CENPP: variants seen among roughly 807,000 people sequenced by gnomAD.
The protein encoded by CENPP is centromere protein P.
A neutral mutation model predicts 35.6 loss-of-function variants in CENPP; 24 were observed. That is an observed-to-expected ratio of 0.67 (90% CI 0.49 to 0.95). CENPP has a LOEUF of 0.95. Among genes scored for constraint, CENPP ranks in the 40% least tolerant of loss-of-function variants. CENPP has a pLI of 0.00. For synonymous variants in CENPP, 120 were observed against 125.5 expected, an observed-to-expected ratio of 0.96 and a Z score of 0.29; for missense variants, 332 against 345.3, an observed-to-expected ratio of 0.96 and a Z score of 0.31.
intron 3 of CENPP, 37 bp from the exon 4 acceptor site, chr9:92,345,662 C>T: frequency 8.6e-7 from 1 of 1,164,956 alleles, no homozygotes; most frequent in Non-Finnish European, 1.3e-6. Context: ...TTGAAGTTTA[C>T]TGTGCTTTGA....
chr9:92,583,244 TCAG>T (rs1193207635), intron 5 of CENPP, among the ~76,000 whole-genome samples: 1 of 152,196 alleles, frequency 6.6e-6, no homozygotes, highest in Non-Finnish European at 1.5e-5. Context: ...TTAAACATAT[TCAG>T]CAGAAGAATA....
intron 5 of CENPP, among the ~76,000 whole-genome samples, chr9:92,416,387 G>A (rs1009367040): frequency 2.6e-5 from 4 of 152,006 alleles, no homozygotes; most frequent in Admixed American, 6.6e-5. Flanking sequence ...TTACAGGCAT[G>A]AGCCACCACG....
chr9:92,533,328 A>ATATATAT (rs1247921787), intron 5 of CENPP, among the ~76,000 whole-genome samples: 1 of 38,338 alleles, frequency 2.6e-5, no homozygotes, highest in African/African-American at 1.5e-4. Context: ...AAAAAAAAAA[A>ATATATAT]ATATATATAT....
intron 5 of CENPP, among the ~76,000 whole-genome samples, chr9:92,541,403 AC>A (rs1241187967): frequency 3.8e-5 from 3 of 77,994 alleles, no homozygotes; most frequent in African/African-American, 1.3e-4. Flanking sequence ...CTCCACTGCC[AC>A]CCCCCTTCCC....
chr9:92,344,995 T>TA (rs1841244599), intron 3 of CENPP, among the ~76,000 whole-genome samples: 1 of 151,286 alleles, frequency 6.6e-6, no homozygotes, highest in Non-Finnish European at 1.5e-5. Context: ...CTCACGCCTG[T>TA]AATCCCAGCA....
rs369320965 is a variant in CENPP, at chr9:92,386,309, T to C, written c.564+6450T>C. On this transcript the variant is annotated intron_variant, in intron 5 of 7. Transcript: ENST00000375587. ...GGTTATTCAGTTTCTGTAAGGAAAA[T>C]TTCATGTGAGTGTTATTGAGGTTCT... 65 of 1,560,706 alleles carry C rather than the reference T, an allele frequency of 4.2e-5. No individual in the cohort carries two copies. The African/African-American group carries it at 7.6e-4, about 18-fold the overall frequency.
intron 4 of CENPP, among the ~76,000 whole-genome samples, chr9:92,352,467 CTGTGTGTGTGTGTGTGTGTG>C (rs61233585): frequency 1.4e-5 from 1 of 71,344 alleles, no homozygotes; most frequent in African/African-American, 9.8e-5. Flanking sequence ...TGCTTAAAGC[CTGTGTGTGTGTGTGTGTGTG>C]TGTGTGTGTG....
At chr9:92,599,382 TGTG>T (rs962066917) in intron 5 of CENPP, among the ~76,000 whole-genome samples, 1 of 152,112 alleles carries the variant, frequency 6.6e-6, no homozygotes, top group Non-Finnish European at 1.5e-5. Flanking sequence ...GGAGGGATTG[TGTG>T]GTCAGTAGTT....
At chr9:92,540,050 T>G (rs1849281242) in intron 5 of CENPP, among the ~76,000 whole-genome samples, 1 of 152,252 alleles carries the variant, frequency 6.6e-6, no homozygotes, top group Admixed American at 6.5e-5. Context: ...GTAATACATA[T>G]AAGTGGCATA....
chr9:92,345,510 C>T (rs1030596601), intron 3 of CENPP, among the ~76,000 whole-genome samples, 189 bp from the exon 4 acceptor site: 2 of 149,132 alleles, frequency 1.3e-5, no homozygotes, highest in African/African-American at 4.9e-5. Context: ...AAAAAAAAGG[C>T]ATCTTACCTT....
At position 92,548,570 on chromosome 9, in the gene CENPP, G is replaced by T. The variant is rs144402675; in HGVS notation, c.565-62744G>T. 1.9e-3 allele frequency among the ~76,000 whole-genome samples: 295 copies of T among 152,134 alleles called. 1 individual carries two copies. The highest frequency in any genetic ancestry group is 6.6e-3 in the African/African-American group (272 of 41,510). On this transcript the variant is annotated intron_variant, in intron 5 of 7. Transcript: ENST00000375587. Reference sequence around the variant, plus strand: ...TAATAAAAACAAGTTATACTGCCTAGAAATTAAAAAATAATTGTCTTTATA... The same window carrying T: ...TAATAAAAACAAGTTATACTGCCTATAAATTAAAAAATAATTGTCTTTATA...
chr9:92,334,561 A>G (rs1039537739), intron 2 of CENPP, among the ~76,000 whole-genome samples: 1 of 152,176 alleles, frequency 6.6e-6, no homozygotes, highest in Non-Finnish European at 1.5e-5. Context: ...ACTTTGTTAA[A>G]AATGCACCCT....
At chr9:92,559,267 T>C (rs1006205827) in intron 5 of CENPP, among the ~76,000 whole-genome samples, 67 of 152,206 alleles carry the variant, frequency 4.4e-4, no homozygotes, top group African/African-American at 1.5e-3. Context: ...AATGGGCTGC[T>C]TGGGGACCCA....
rs531667828 is a variant in CENPP, at chr9:92,360,743, C to T, written c.467+14956C>T. ...ATTTTTTGAGATGGAGTCTTGCTGT[C>T]GCCCAGGCTGGAGTGCAATGGCGTA... On this transcript the variant is annotated intron_variant, in intron 4 of 7. Transcript: ENST00000375587. Among the ~76,000 whole-genome samples, 6 of 151,818 alleles carry T rather than the reference C, an allele frequency of 4.0e-5. No individual in the cohort carries two copies. In the South Asian group the frequency reaches 1.2e-3, roughly 32 times the overall value.
In CENPP at chr9:92,372,099, C is replaced by CTTTTTTT. The variant is rs71362382; in HGVS notation, c.468-7638_468-7632dup. On this transcript the variant is annotated intron_variant, in intron 4 of 7. Transcript: ENST00000375587. ...AGGTGTAAGCCACCATGCCAGCCAT[C>CTTTTTTT]TTTTTTTTTTTTTTTTTTTTTTTTT... is the stretch of plus-strand genomic sequence containing the variant. Among the ~76,000 whole-genome samples the CTTTTTTT allele has an allele frequency of 2.2e-3, 67 of 30,692 alleles. 2 individuals carry two copies. Among genetic ancestry groups the CTTTTTTT allele is most frequent in the African/African-American group, 5.5e-3 (40 of 7,220 alleles). The allele number at this position is 30,692 out of a possible 152,430, so 20.1% of individuals were successfully genotyped here. A position where few individuals can be genotyped will look rare whatever the true frequency, so the allele number is the denominator to read the frequency against.
intron 5 of CENPP, chr9:92,456,802 G>A (rs571086216): frequency 4.0e-6 from 1 of 248,218 alleles, no homozygotes; most frequent in African/African-American, 2.3e-5. Context: ...ACTTTAAGAT[G>A]ATTAAAAATA....
chr9:92,570,008 A>C (rs554550684), intron 5 of CENPP, among the ~76,000 whole-genome samples: 3 of 152,206 alleles, frequency 2.0e-5, no homozygotes, highest in South Asian at 4.2e-4. Flanking sequence ...TCTAAATATA[A>C]AATCATGTCA....
intron 5 of CENPP, among the ~76,000 whole-genome samples, chr9:92,564,363 T>C (rs1331284306): frequency 6.6e-6 from 1 of 151,518 alleles, no homozygotes; most frequent in Non-Finnish European, 1.5e-5. Flanking sequence ...CACTCTAGCC[T>C]GGGCAACAGA....
chr9:92,583,226 G>C (rs1850470251), intron 5 of CENPP, among the ~76,000 whole-genome samples: 1 of 152,164 alleles, frequency 6.6e-6, no homozygotes, highest in South Asian at 2.1e-4. Flanking sequence ...ATATACACTA[G>C]TATAGAGTTA....
Sources: allele counts gnomAD v4.1 joint callset (sites outside exome capture counted in the v4.1 genomes callset), GRCh38; gene constraint gnomAD v4.1.1; transcripts MANE v1.5; gene names NCBI Gene and HGNC (gene_info 2026-07-23, HGNC 2026-07-21).